SNTG1: variants seen among roughly 807,000 people sequenced by gnomAD.
The protein encoded by SNTG1 is gamma-1-syntrophin.
Under a neutral mutation model 74.7 loss-of-function variants are expected in SNTG1, and 39 were observed. The ratio of observed to expected loss-of-function variants is 0.52; its 90% confidence interval spans 0.40 to 0.68. The LOEUF (loss-of-function observed/expected upper bound fraction) is 0.68, where lower values mean the gene tolerates loss of function less well. Among genes scored for constraint, SNTG1 ranks in the 30% least tolerant of loss-of-function variants. The probability of loss-of-function intolerance (pLI) is 0.00; values close to 1 mark genes in which losing one functional copy is unlikely to be tolerated. For synonymous variants in SNTG1, 254 were observed against 217.1 expected (o/e 1.17, Z -1.49); for missense variants, 685 against 609.5 (o/e 1.12, Z -1.30).
At chr8:50,626,387 G>A (rs2094956415) in intron 13 of SNTG1, among the ~76,000 whole-genome samples, 1 of 152,098 alleles carries the variant, frequency 6.6e-6, no homozygotes, top group Non-Finnish European at 1.5e-5. Context: ...CTCGGTTGAG[G>A]AGACCCTAAC....
rs144856798 is a variant in SNTG1, at chr8:50,224,492, C to G, written c.-28+51857C>G. On this transcript the variant is annotated intron_variant, in intron 2 of 18. Transcript: ENST00000642720. Reference sequence around the variant, plus strand: ...TAGGCCTCAAGGATGTGACTAACACCATTCACACCTAAGTAAACCTTTCTT... The same window carrying G: ...TAGGCCTCAAGGATGTGACTAACACGATTCACACCTAAGTAAACCTTTCTT... 2.0e-5 allele frequency among the ~76,000 whole-genome samples: 3 copies of G among 152,312 alleles called. No individual in the cohort carries two copies. The East Asian group carries it at 5.8e-4, about 29-fold the overall frequency.
intron 13 of SNTG1, among the ~76,000 whole-genome samples, chr8:50,628,229 T>C (rs2094970197): frequency 6.6e-6 from 1 of 152,184 alleles, no homozygotes; most frequent in African/African-American, 2.4e-5. Flanking sequence ...TTTTATGAGA[T>C]TTTTGTATTG....
At chr8:50,188,692 G>A (rs945251350) in intron 2 of SNTG1, among the ~76,000 whole-genome samples, 1 of 152,072 alleles carries the variant, frequency 6.6e-6, no homozygotes, top group Non-Finnish European at 1.5e-5. Context: ...GAGTACTGCA[G>A]TGCACACCCA....
Position 50,282,512 on chromosome 8 carries a change from G to T in SNTG1, c.-28+109877G>T, listed in dbSNP as rs186587403. Among the ~76,000 whole-genome samples, 310 of 152,194 alleles carry T rather than the reference G, an allele frequency of 2.0e-3. 2 individuals carry two copies. The highest frequency in any genetic ancestry group is 7.0e-3 in the African/African-American group (292 of 41,538). On this transcript the variant is annotated intron_variant, in intron 2 of 18. Coordinates refer to ENST00000642720, the MANE Select transcript of SNTG1 (RefSeq NM_018967.5). ...AAGGCCAGGAAAACTTTTTAGCCAG[G>T]TGCTAGACCATGTTTTTCCCCCAAG...
chr8:50,758,845 G>A (rs2095588814), intron 18 of SNTG1, among the ~76,000 whole-genome samples: 1 of 152,034 alleles, frequency 6.6e-6, no homozygotes, highest in Admixed American at 6.6e-5. Context: ...CTCAATAATG[G>A]GATTGCTGGG....
chr8:50,049,164 A>G (rs924780360), intron 1 of SNTG1, among the ~76,000 whole-genome samples: 1 of 152,144 alleles, frequency 6.6e-6, no homozygotes, highest in Non-Finnish European at 1.5e-5. Flanking sequence ...CATTAAGTCA[A>G]CTATGTCAAT....
chr8:50,636,110 T>C (rs1406611111), intron 13 of SNTG1, among the ~76,000 whole-genome samples: 1 of 102,872 alleles, frequency 9.7e-6, no homozygotes, highest in African/African-American at 2.7e-5. Context: ...GGGTTCCTCA[T>C]GACTCTGCCT....
intron 1 of SNTG1, among the ~76,000 whole-genome samples, chr8:50,151,739 C>T (rs556352209): frequency 6.6e-6 from 1 of 152,256 alleles, no homozygotes; most frequent in East Asian, 1.9e-4. Context: ...TTTCTTAATC[C>T]TGAGTTCTAG....
intron 1 of SNTG1, among the ~76,000 whole-genome samples, chr8:50,103,814 A>G (rs1334635275): frequency 1.3e-5 from 2 of 152,156 alleles, no homozygotes; most frequent in Non-Finnish European, 2.9e-5. Flanking sequence ...ATCTATTGAG[A>G]TAGTCATGTG....
At chr8:50,720,632 A>G (rs2095485531) in intron 17 of SNTG1, among the ~76,000 whole-genome samples, 1 of 152,212 alleles carries the variant, frequency 6.6e-6, no homozygotes, top group Non-Finnish European at 1.5e-5. Flanking sequence ...ATTTGGTGGG[A>G]CAGTTTGATC....
chr8:49,982,172 C>T (rs557144812), intron 1 of SNTG1, among the ~76,000 whole-genome samples: 50 of 152,168 alleles, frequency 3.3e-4, no homozygotes, highest in Non-Finnish European at 5.6e-4. Context: ...TACATCTATG[C>T]CCTGGAGAAT....
At chr8:50,622,661 GA>G (rs1326259696) in intron 13 of SNTG1, among the ~76,000 whole-genome samples, 2 of 151,884 alleles carry the variant, frequency 1.3e-5, no homozygotes, top group Non-Finnish European at 2.9e-5. Flanking sequence ...TGGTAATAAA[GA>G]ATATATATGT....
At chr8:50,418,999 G>C (rs1189289952) in intron 4 of SNTG1, among the ~76,000 whole-genome samples, 2 of 152,002 alleles carry the variant, frequency 1.3e-5, no homozygotes, top group African/African-American at 4.8e-5. Flanking sequence ...TAAAAACTAT[G>C]ACTATTATCT....
intron 2 of SNTG1, among the ~76,000 whole-genome samples, chr8:50,248,153 A>C (rs569313948): frequency 6.6e-6 from 1 of 152,266 alleles, no homozygotes; most frequent in African/African-American, 2.4e-5. Context: ...TTCTGCAAAC[A>C]CCTTATCTCC....
chr8:49,914,970 T>G (rs996869079), intron 1 of SNTG1: 2 of 152,298 alleles, frequency 1.3e-5, no homozygotes, highest in African/African-American at 2.4e-5. Context: ...TTCTTCCTAT[T>G]TAGCTTAGCA....
chr8:50,714,119 A>G (rs1454762804), intron 17 of SNTG1, among the ~76,000 whole-genome samples: 1 of 150,676 alleles, frequency 6.6e-6, no homozygotes, highest in East Asian at 1.9e-4. Context: ...TGTTTTTGTC[A>G]GATTTGTCAA....
upstream of SNTG1, chr8:49,910,960 C>G (rs2129331930): frequency 6.6e-6 from 1 of 152,416 alleles, no homozygotes; most frequent in Admixed American, 6.5e-5. Context: ...CTGAGCTCAG[C>G]GCTGACACTC....
At chr8:50,292,885 G>A (rs2089185784) in intron 2 of SNTG1, among the ~76,000 whole-genome samples, 2 of 151,728 alleles carry the variant, frequency 1.3e-5, no homozygotes, top group Non-Finnish European at 2.9e-5. Flanking sequence ...GGAGCAAGGG[G>A]CACCTGAGGA....
At chr8:50,180,753 T>A (rs1485078308) in intron 2 of SNTG1, among the ~76,000 whole-genome samples, 1 of 64,184 alleles carries the variant, frequency 1.6e-5, no homozygotes, top group African/African-American at 5.9e-5. Context: ...GTGAAGCCTT[T>A]TTTTTTTTTT....
Sources: allele counts gnomAD v4.1 joint callset (sites outside exome capture counted in the v4.1 genomes callset), GRCh38; gene constraint gnomAD v4.1.1; transcripts MANE v1.5; gene names NCBI Gene and HGNC (gene_info 2026-07-23, HGNC 2026-07-21).